Variants in CCDC39 observed in about 807,000 individuals in gnomAD.
CCDC39 encodes the protein coiled-coil domain-containing protein 39.
CCDC39 carries 113 observed loss-of-function variants against 121.0 expected under a neutral mutation model. The observed-to-expected ratio is 0.93, with a 90% CI of 0.80 to 1.09. The LOEUF is 1.09. Ranked by LOEUF, CCDC39 falls within the 50% of genes least tolerant of loss-of-function variation. CCDC39 has a pLI of 0.00. For missense variants in CCDC39, 1,063 were observed against 1,074.7 expected (o/e 0.99, Z 0.15); for synonymous variants, 349 against 352.2 (o/e 0.99, Z 0.10).
chr3:180,660,024 A>G (rs1330840323), intron 4 of CCDC39, among the ~76,000 whole-genome samples: 1 of 152,102 alleles, frequency 6.6e-6, no homozygotes, highest in East Asian at 1.9e-4. Flanking sequence ...AAAAAGATTA[A>G]GTTATAATTT....
chr3:180,677,098 A>C (rs188061159), intron 1 of CCDC39, among the ~76,000 whole-genome samples: 1,522 of 144,570 alleles, frequency 0.011, 15 homozygotes, highest in Middle Eastern at 0.083. Context: ...ATACATATGT[A>C]ACAAACCTGC....
intron 11 of CCDC39, among the ~76,000 whole-genome samples, chr3:180,645,569 T>C (rs1718049529): frequency 6.6e-6 from 1 of 152,044 alleles, no homozygotes; most frequent in Admixed American, 6.6e-5. Flanking sequence ...ATTTTTTGCA[T>C]AAAAATGTGA....
In CCDC39 at chr3:180,615,466, AAG is replaced by A. The variant is rs373519871; in HGVS notation, c.2670-391_2670-390del. The stretch of plus-strand genomic sequence containing the variant: ...ACCTTTTGTAATTTAAGCTGAAGAG[AAG>A]AGAGAAGCATATTGATGGATAAAGT... On this transcript the variant is annotated intron_variant, in intron 19 of 19. Coordinates refer to ENST00000476379, the MANE Select transcript of CCDC39 (RefSeq NM_181426.2). Among the ~76,000 whole-genome samples, 149 of 152,266 alleles carry A rather than the reference AAG, an allele frequency of 9.8e-4. 3 individuals carry two copies. In the South Asian group the frequency reaches 0.029, roughly 30 times the overall value.
At chr3:180,642,354 T>G (rs1272709148) in intron 12 of CCDC39, among the ~76,000 whole-genome samples, 153 bp from the exon 13 acceptor site, 4 of 140,302 alleles carry the variant, frequency 2.9e-5, no homozygotes, top group African/African-American at 8.7e-5. Context: ...TTGATCATAG[T>G]TTTTTTTTTT....
At chr3:180,623,060 T>C (rs1016161940) in intron 14 of CCDC39, among the ~76,000 whole-genome samples, 28 of 146,652 alleles carry the variant, frequency 1.9e-4, no homozygotes, top group Non-Finnish European at 3.3e-4. Flanking sequence ...TGGGCTTTTT[T>C]GTTGTTGTTT....
In CCDC39 at chr3:180,651,010, C is replaced by T. The variant is rs188025340; in HGVS notation, c.1167+391G>A. On this transcript the variant is annotated intron_variant, in intron 9 of 19. Coordinates refer to ENST00000476379, the MANE Select transcript of CCDC39 (RefSeq NM_181426.2). Reference sequence around the variant, plus strand: ...AGCAGATCGAGACCAGCCTGGCCAACATGGCGAAACCCCATCTCTACTAAA... The same window carrying T: ...AGCAGATCGAGACCAGCCTGGCCAATATGGCGAAACCCCATCTCTACTAAA... Among the ~76,000 whole-genome samples, 457 of 152,038 alleles carry T rather than the reference C, an allele frequency of 3.0e-3. 5 individuals are homozygous for T. Among genetic ancestry groups the T allele is most frequent in the African/African-American group, 0.01 (430 of 41,484 alleles).
At chr3:180,676,553 A>T (rs1476997696) in intron 1 of CCDC39, among the ~76,000 whole-genome samples, 1 of 152,230 alleles carries the variant, frequency 6.6e-6, no homozygotes, top group Admixed American at 6.5e-5. Flanking sequence ...TGGGACTGTA[A>T]ACTAGTTCAA....
chr3:180,615,055 A>T lies in CCDC39; in HGVS notation c.2692T>A (p.Ser898Thr). ...ACTTTAATTGAAGACTGAGAAGTAG[A>T]TGTACTTGTACTCCTAGATGACCTA... ...SARSSRSTSTSTSQSSIKVLE... is the reference protein window; with the variant it reads ...SARSSRSTSTTTSQSSIKVLE... The change falls in exon 20 of 20, where the codon TCT (serine) becomes ACT (threonine). Residue 898 changes from serine (S) to threonine (T), a missense_variant. Transcript: ENST00000476379. The T allele has an allele frequency of 6.5e-7, 1 of 1,547,824 alleles. No individual in the cohort carries two copies. The highest frequency in any genetic ancestry group is 1.4e-5 in the African/African-American group (1 of 73,012).
chr3:180,635,008 T>C (rs941115670), intron 13 of CCDC39, among the ~76,000 whole-genome samples: 3 of 152,190 alleles, frequency 2.0e-5, no homozygotes, highest in African/African-American at 7.2e-5. Flanking sequence ...GACTGGATAA[T>C]TTGCAATAAA....
intron 14 of CCDC39, among the ~76,000 whole-genome samples, chr3:180,626,842 C>A (rs561670047): frequency 6.6e-6 from 1 of 152,148 alleles, no homozygotes; most frequent in Admixed American, 6.5e-5. Context: ...ACCCCTCTCC[C>A]ACCTTGGACA....
At chr3:180,670,780 G>A (rs868354912) in intron 1 of CCDC39, among the ~76,000 whole-genome samples, 2 of 151,912 alleles carry the variant, frequency 1.3e-5, no homozygotes, top group African/African-American at 4.8e-5. Flanking sequence ...AATATGAGGT[G>A]GGTCTAGACT....
At chr3:180,662,870 T>C (rs1383528196) in intron 2 of CCDC39, among the ~76,000 whole-genome samples, 1 of 152,170 alleles carries the variant, frequency 6.6e-6, no homozygotes, top group Non-Finnish European at 1.5e-5. Context: ...TGTTCATTTT[T>C]TTGAAACTAC....
intron 2 of CCDC39, 23 bp from the exon 3 acceptor site, chr3:180,662,030 A>T: frequency 6.6e-7 from 1 of 1,516,876 alleles, no homozygotes; most frequent in Non-Finnish European, 8.8e-7. Flanking sequence ...ACACAAGATA[A>T]AAAGGCTTTT....
At chr3:180,655,146 T>C (rs900936914) in intron 6 of CCDC39, among the ~76,000 whole-genome samples, 193 bp from the exon 7 acceptor site, 1 of 152,128 alleles carries the variant, frequency 6.6e-6, no homozygotes, top group Non-Finnish European at 1.5e-5. Context: ...TATAAATTCA[T>C]ATTGTTAAAT....
At chr3:180,673,633 T>C (rs949603815) in intron 1 of CCDC39, among the ~76,000 whole-genome samples, 9 of 152,186 alleles carry the variant, frequency 5.9e-5, no homozygotes, top group Middle Eastern at 3.2e-3. Flanking sequence ...GTTGCAGTGG[T>C]CTGGAACTGA....
At chr3:180,670,312 G>T (rs995853226) in intron 1 of CCDC39, among the ~76,000 whole-genome samples, 5 of 148,292 alleles carry the variant, frequency 3.4e-5, no homozygotes, top group Non-Finnish European at 7.5e-5. Flanking sequence ...GTATGGAAGG[G>T]GTGTGTGTGT....
At chr3:180,617,574 G>A (rs903950002) in intron 16 of CCDC39, 20 of 539,022 alleles carry the variant, frequency 3.7e-5, no homozygotes, top group South Asian at 9.4e-5. Context: ...GTAGGCTTAG[G>A]TTTATGTGTG....
chr3:180,619,812 A>G lies in CCDC39; in HGVS notation c.2157T>C (p.Ser719=). Residue 719 remains serine, a splice_region_variant and synonymous_variant, in exon 15 of 20, where the codon TCT becomes TCC. Transcript: ENST00000476379. The part of the protein sequence containing the change: ...YKQSFKKVTP[S]SDEYELKIQL... ...AAAAAAAAGTTAACTCCTACATACT[A>G]GATGGAGTCACTTTTTTAAAAGATT... 2 of 1,580,852 alleles carry G rather than the reference A, an allele frequency of 1.3e-6. No individual in the cohort carries two copies. Among genetic ancestry groups the G allele is most frequent in the East Asian group, 2.3e-5 (1 of 44,344 alleles).
At chr3:180,643,289 C>A (rs562236876) in intron 12 of CCDC39, among the ~76,000 whole-genome samples, 109 of 151,734 alleles carry the variant, frequency 7.2e-4, no homozygotes, top group African/African-American at 2.5e-3. Context: ...ATATGAAAAT[C>A]TTTTATAATT....
Sources: gnomAD v4.1 joint callset for allele counts (sites outside exome capture counted in the v4.1 genomes callset) on GRCh38, gnomAD v4.1.1 for gene constraint, MANE v1.5 for transcripts, NCBI Gene and HGNC (gene_info 2026-07-23, HGNC 2026-07-21) for gene names.